Variants in R3HDM2 observed in about 807,000 individuals in gnomAD.
The protein encoded by R3HDM2 is R3H domain-containing protein 2.
A neutral mutation model predicts 124.5 loss-of-function variants in R3HDM2; 38 were observed. That is an observed-to-expected ratio of 0.31 (90% CI 0.24 to 0.40). The LOEUF (loss-of-function observed/expected upper bound fraction) is 0.40. Ranked by LOEUF, R3HDM2 falls within the 10% of genes least tolerant of loss-of-function variation. R3HDM2 has a pLI of 1.00. For synonymous variants in R3HDM2, 391 were observed against 448.0 expected (o/e 0.87, Z 1.61); for missense variants, 869 against 1,236.9 (o/e 0.70, Z 4.46).
At chr12:57,375,348 T>C (rs11172192) in intron 2 of R3HDM2, among the ~76,000 whole-genome samples, 14,427 of 152,154 alleles carry the variant, frequency 0.095, 940 homozygotes, top group Non-Finnish European at 0.14. Flanking sequence ...TACTTTATCC[T>C]AAGTAAGCAA....
intron 2 of R3HDM2, among the ~76,000 whole-genome samples, chr12:57,374,683 TAAAAAAAAAA>T (rs56197858): frequency 2.5e-4 from 7 of 28,092 alleles, no homozygotes; most frequent in African/African-American, 9.6e-4. Flanking sequence ...AATTCTATCT[TAAAAAAAAAA>T]AAAAAAAAAA....
intron 1 of R3HDM2, among the ~76,000 whole-genome samples, chr12:57,427,536 G>A (rs1393747778): frequency 2.0e-5 from 3 of 150,720 alleles, no homozygotes; most frequent in Non-Finnish European, 3.0e-5. Flanking sequence ...TTTTAGTAGA[G>A]ATGGGGTTTC....
chr12:57,331,398 CTTTA>C (rs2058170496), intron 2 of R3HDM2, among the ~76,000 whole-genome samples: 1 of 152,156 alleles, frequency 6.6e-6, no homozygotes, highest in Non-Finnish European at 1.5e-5. Context: ...ATTTCCTTGA[CTTTA>C]TTTTTCTCGT....
At chr12:57,393,847 AACACATATTTT>A (rs1450469907) in intron 2 of R3HDM2, among the ~76,000 whole-genome samples, 2 of 152,248 alleles carry the variant, frequency 1.3e-5, no homozygotes, top group Admixed American at 6.5e-5. Context: ...TCCTTGAGAT[AACACATATTTT>A]TCATCAGAAA....
chr12:57,375,210 C>A (rs1215376058), intron 2 of R3HDM2, among the ~76,000 whole-genome samples: 2 of 152,072 alleles, frequency 1.3e-5, no homozygotes, highest in Non-Finnish European at 2.9e-5. Flanking sequence ...ATACACCTCT[C>A]TTCATAAGTC....
chr12:57,410,450 A>G (rs1309173690), intron 1 of R3HDM2, among the ~76,000 whole-genome samples: 1 of 152,168 alleles, frequency 6.6e-6, no homozygotes, highest in Non-Finnish European at 1.5e-5. Context: ...CAATTCCAGC[A>G]TCATAAAATT....
At chr12:57,403,502 T>A (rs1236944950) in intron 1 of R3HDM2, among the ~76,000 whole-genome samples, 5 of 138,478 alleles carry the variant, frequency 3.6e-5, no homozygotes, top group Admixed American at 2.2e-4. Flanking sequence ...CAAAAAAAAA[T>A]AAAAAATAAA....
chr12:57,258,158 C>T (rs758936221), intron 20 of R3HDM2, 21 bp from the exon 21 acceptor site: 85 of 1,499,552 alleles, frequency 5.7e-5, no homozygotes, highest in Non-Finnish European at 7.0e-5. Context: ...GAGGAGCACA[C>T]GTCACATAAA....
chr12:57,429,477 C>T (rs1454958988), intron 1 of R3HDM2, among the ~76,000 whole-genome samples: 2 of 151,976 alleles, frequency 1.3e-5, no homozygotes, highest in Admixed American at 1.3e-4. Context: ...AAGCCTACCA[C>T]TTTGGGAGGC....
chr12:57,385,512 G>C (rs995906356), intron 2 of R3HDM2, among the ~76,000 whole-genome samples: 10 of 151,952 alleles, frequency 6.6e-5, no homozygotes, highest in African/African-American at 2.4e-4. Flanking sequence ...AAAGTGCTGG[G>C]ATTACAGGCA....
rs115454631 is a variant in R3HDM2, at chr12:57,325,300, T to G, written c.-35-14837A>C. Reference sequence around the variant, plus strand: ...CTGGGATTACAGGCACATACCACCATGCTTGGCTAATTTTTGTAGTTTTAA... The same window carrying G: ...CTGGGATTACAGGCACATACCACCAGGCTTGGCTAATTTTTGTAGTTTTAA... On this transcript the variant is annotated intron_variant, in intron 2 of 23. Transcript: ENST00000402412. Among the ~76,000 whole-genome samples the G allele has an allele frequency of 8.2e-3, 1,253 of 152,230 alleles. 16 individuals carry two copies. Among genetic ancestry groups the G allele is most frequent in the African/African-American group, 0.028 (1,166 of 41,538 alleles).
chr12:57,343,186 ATTTT>A (rs760665727), intron 2 of R3HDM2, among the ~76,000 whole-genome samples: 1 of 133,944 alleles, frequency 7.5e-6, no homozygotes, highest in South Asian at 2.3e-4. Context: ...TCGGGTCTTA[ATTTT>A]TTTTTTTTTT....
Position 57,310,465 on chromosome 12 carries a change from TA to T in R3HDM2, c.-35-3del. ...GAATACAGTGGCCTCTATGGACTCCTAAAGAAACATCAAATGCATTAAGCAG... is the reference window on the plus strand; with the variant it reads ...GAATACAGTGGCCTCTATGGACTCCTAAGAAACATCAAATGCATTAAGCAG... On this transcript the variant is annotated splice_polypyrimidine_tract_variant and splice_region_variant and intron_variant, in intron 2 of 23. Coordinates refer to ENST00000402412, the MANE Select transcript of R3HDM2 (RefSeq NM_001394031.1). The T allele has an allele frequency of 7.0e-7, 1 of 1,428,592 alleles. No homozygotes were observed. The allele number at this position is 1,428,592 out of a possible 1,614,324, so 88.5% of individuals were successfully genotyped here.
At chr12:57,399,930 T>G (rs1037311808) in intron 1 of R3HDM2, among the ~76,000 whole-genome samples, 1 of 152,212 alleles carries the variant, frequency 6.6e-6, no homozygotes, top group African/African-American at 2.4e-5. Context: ...CACCTAGGAC[T>G]TCCGCTGATT....
chr12:57,397,803 G>C (rs1023338231), intron 1 of R3HDM2, among the ~76,000 whole-genome samples: 1 of 152,176 alleles, frequency 6.6e-6, no homozygotes, highest in African/African-American at 2.4e-5. Context: ...CACACCAAGA[G>C]TTCACTCTCT....
At chr12:57,357,122 A>G (rs1186226816) in intron 2 of R3HDM2, among the ~76,000 whole-genome samples, 3 of 146,100 alleles carry the variant, frequency 2.1e-5, no homozygotes, top group Admixed American at 2.0e-4. Flanking sequence ...ATGAATAAAT[A>G]AATAAATAAA....
chr12:57,299,673 C>G (rs1275814157), intron 5 of R3HDM2, among the ~76,000 whole-genome samples, 195 bp from the exon 6 acceptor site: 1 of 152,114 alleles, frequency 6.6e-6, no homozygotes, highest in Non-Finnish European at 1.5e-5. Flanking sequence ...CAAGCACAAC[C>G]TACTTTATGG....
At chr12:57,359,676 T>C (rs981983489) in intron 2 of R3HDM2, among the ~76,000 whole-genome samples, 1 of 152,152 alleles carries the variant, frequency 6.6e-6, no homozygotes, top group Non-Finnish European at 1.5e-5. Context: ...GATTAGATTG[T>C]TTGTATTTAA....
At chr12:57,294,309 C>T (rs1170239186) in intron 10 of R3HDM2, among the ~76,000 whole-genome samples, 1 of 152,104 alleles carries the variant, frequency 6.6e-6, no homozygotes, top group Non-Finnish European at 1.5e-5. Flanking sequence ...CCCCAATGTG[C>T]CTCTAGGCCT....
Sources: allele counts gnomAD v4.1 joint callset (sites outside exome capture counted in the v4.1 genomes callset), GRCh38; gene constraint gnomAD v4.1.1; transcripts MANE v1.5; gene names NCBI Gene and HGNC (gene_info 2026-07-23, HGNC 2026-07-21).